The following LRRC7 variants were observed in gnomAD, a reference collection of about 807,000 sequenced individuals.
The protein encoded by LRRC7 is leucine rich repeat containing 7.
Under a neutral mutation model 175.7 loss-of-function variants are expected in LRRC7, and 23 were observed. That is an observed-to-expected ratio of 0.13 (90% CI 0.09 to 0.19). The LOEUF (loss-of-function observed/expected upper bound fraction) is 0.19, where lower values mean the gene tolerates loss of function less well. Among genes scored for constraint, LRRC7 ranks in the 10% least tolerant of loss-of-function variants. The pLI is 1.00. For synonymous variants in LRRC7, 685 were observed against 680.9 expected, an observed-to-expected ratio of 1.01 and a Z score of -0.09; for missense variants, 1,354 against 1,904.7, an observed-to-expected ratio of 0.71 and a Z score of 5.38.
rs1666822398 is a variant in LRRC7 at position 70,135,321 on chromosome 1, T to G, written c.*13434T>G. ...AGCACGGGGGCTTGTGGCTTATTCT[T>G]TTCACTTTTTTACCCATCTCCGTGC... On this transcript the variant is annotated 3_prime_UTR_variant, in exon 27 of 27. Coordinates refer to ENST00000651989, the MANE Select transcript of LRRC7 (RefSeq NM_001370785.2). Among the ~76,000 whole-genome samples the G allele has an allele frequency of 6.6e-6, 1 of 152,174 alleles. No homozygotes were observed. Among genetic ancestry groups the G allele is most frequent in the Non-Finnish European group, 1.5e-5 (1 of 68,022 alleles).
At chr1:69,655,966 G>C (rs979036478) in intron 1 of LRRC7, among the ~76,000 whole-genome samples, 5 of 151,892 alleles carry the variant, frequency 3.3e-5, no homozygotes, top group African/African-American at 7.3e-5. Flanking sequence ...TGAAATTAAT[G>C]TTTCATATTT....
chr1:70,077,747 A>G (rs934301227), intron 24 of LRRC7, among the ~76,000 whole-genome samples: 1 of 152,224 alleles, frequency 6.6e-6, no homozygotes, highest in Non-Finnish European at 1.5e-5. Context: ...TTGGCTAGTA[A>G]GAGGATTACT....
At chr1:70,094,751 A>T (rs370067447) in intron 25 of LRRC7, among the ~76,000 whole-genome samples, 21 of 152,220 alleles carry the variant, frequency 1.4e-4, no homozygotes, top group African/African-American at 5.1e-4. Flanking sequence ...AACAATACTC[A>T]GAGGCATGCG....
intron 7 of LRRC7, among the ~76,000 whole-genome samples, chr1:69,927,567 A>G (rs546452539): frequency 6.6e-6 from 1 of 152,136 alleles, no homozygotes; most frequent in East Asian, 1.9e-4. Flanking sequence ...TTCATCTTCC[A>G]TCACTGATAC....
chr1:69,636,559 C>T (rs1199356325), intron 1 of LRRC7, among the ~76,000 whole-genome samples: 1 of 151,836 alleles, frequency 6.6e-6, no homozygotes, highest in African/African-American at 2.4e-5. Flanking sequence ...TCAGAAGTTC[C>T]AGCAAAATGT....
chr1:70,110,088 G>A (rs1365767061), intron 26 of LRRC7, among the ~76,000 whole-genome samples: 1 of 152,084 alleles, frequency 6.6e-6, no homozygotes, highest in African/African-American at 2.4e-5. Flanking sequence ...GGAAACATAG[G>A]TTAGTGTCAG....
intron 8 of LRRC7, among the ~76,000 whole-genome samples, chr1:69,964,565 G>A (rs1651476505): frequency 1.3e-5 from 2 of 152,086 alleles, no homozygotes; most frequent in Non-Finnish European, 2.9e-5. Context: ...TGTTGTTATT[G>A]TTTTACTCTA....
chr1:69,704,219 C>G (rs1456926952), intron 2 of LRRC7, among the ~76,000 whole-genome samples: 3 of 151,690 alleles, frequency 2.0e-5, no homozygotes, highest in Non-Finnish European at 2.9e-5. Context: ...TGGTTTTTGT[C>G]TATCTTTTAT....
At chr1:69,723,587 G>T (rs1213625380) in intron 2 of LRRC7, among the ~76,000 whole-genome samples, 5 of 152,172 alleles carry the variant, frequency 3.3e-5, no homozygotes, top group Non-Finnish European at 5.9e-5. Context: ...CATTTCATAT[G>T]ATATTAGAGA....
intron 3 of LRRC7, among the ~76,000 whole-genome samples, chr1:69,774,606 T>C (rs1672612919): frequency 6.6e-6 from 1 of 152,222 alleles, no homozygotes; most frequent in Admixed American, 6.5e-5. Flanking sequence ...GCCTTTTTGC[T>C]ATCTATGTGT....
intron 7 of LRRC7, among the ~76,000 whole-genome samples, chr1:69,902,150 G>A (rs1323823607): frequency 6.6e-6 from 1 of 152,136 alleles, no homozygotes; most frequent in Non-Finnish European, 1.5e-5. Context: ...TAGGTTGTGA[G>A]GACCTGAAGG....
At chr1:69,984,355 C>T (rs955748273) in intron 9 of LRRC7, among the ~76,000 whole-genome samples, 3 of 151,930 alleles carry the variant, frequency 2.0e-5, no homozygotes, top group African/African-American at 4.8e-5. Flanking sequence ...GTGCCAAGTG[C>T]GAGCTTGTGT....
At chr1:69,961,086 TTG>T (rs1651030925) in intron 8 of LRRC7, among the ~76,000 whole-genome samples, 1 of 152,170 alleles carries the variant, frequency 6.6e-6, no homozygotes, top group South Asian at 2.1e-4. Context: ...GAAAACTCCA[TTG>T]TCTCAGCCCA....
Position 70,125,658 on chromosome 1 carries a change from G to A in LRRC7, c.*3771G>A, listed in dbSNP as rs888819245. 6.7e-6 allele frequency among the ~76,000 whole-genome samples: 1 copy of A among 149,876 alleles called. No individual in the cohort carries two copies. Among genetic ancestry groups the A allele is most frequent in the African/African-American group, 2.4e-5 (1 of 40,918 alleles). ...ATACAAAAAATTAGCCGGGCGTAGT[G>A]GCGGGCGCCTGTAGTCCCAGCTACT... On this transcript the variant is annotated 3_prime_UTR_variant, in exon 27 of 27. Coordinates refer to ENST00000651989, the MANE Select transcript of LRRC7 (RefSeq NM_001370785.2).
At chr1:69,665,752 G>T (rs1264979100) in intron 1 of LRRC7, among the ~76,000 whole-genome samples, 1 of 151,772 alleles carries the variant, frequency 6.6e-6, no homozygotes, top group Admixed American at 6.6e-5. Context: ...CCAAATATAA[G>T]ATCATGTCAT....
chr1:69,608,893 TATATATAC>T (rs1433255253), intron 1 of LRRC7, among the ~76,000 whole-genome samples: 210 of 129,500 alleles, frequency 1.6e-3, no homozygotes, highest in African/African-American at 5.8e-3. Context: ...TATATATATA[TATATATAC>T]ACACACACAC....
At chr1:69,789,042 T>G (rs1674816220) in intron 3 of LRRC7, among the ~76,000 whole-genome samples, 2 of 152,182 alleles carry the variant, frequency 1.3e-5, no homozygotes, top group South Asian at 4.1e-4. Flanking sequence ...GGAATATACA[T>G]TTTTTAGCTC....
In LRRC7 at chr1:69,886,892, G is replaced by A. The variant is rs1645646662; in HGVS notation, c.648-44615G>A. Among the ~76,000 whole-genome samples the A allele has an allele frequency of 2.0e-5, 3 of 151,642 alleles. No individual in the cohort carries two copies. In the South Asian group the frequency reaches 6.3e-4, roughly 32 times the overall value. On this transcript the variant is annotated intron_variant, in intron 7 of 26. Coordinates refer to ENST00000651989, the MANE Select transcript of LRRC7 (RefSeq NM_001370785.2). ...TCACTTATGAAGCTTAGTTTGGCTG[G>A]ATATGAAATTCTGGGTCGAAAATTC...
At chr1:70,004,348 A>G (rs1275299656) in intron 11 of LRRC7, among the ~76,000 whole-genome samples, 1 of 152,192 alleles carries the variant, frequency 6.6e-6, no homozygotes, top group African/African-American at 2.4e-5. Context: ...TTAAAAAGAA[A>G]ATTAAGAATG....
Sources: allele counts gnomAD v4.1 joint callset (sites outside exome capture counted in the v4.1 genomes callset), GRCh38; gene constraint gnomAD v4.1.1; transcripts MANE v1.5; gene names NCBI Gene and HGNC (gene_info 2026-07-23, HGNC 2026-07-21).